REDIC1: variants seen among roughly 807,000 people sequenced by gnomAD.
REDIC1 encodes the protein HEI10 Interacting Protein 1.
the REDIC1 span, among the ~76,000 whole-genome samples, chr12:39,839,507 T>C: frequency 3.0e-4 from 46 of 152,250 alleles, no homozygotes; most frequent in Admixed American, 2.9e-3. Flanking sequence ...GGTTGTCTCA[T>C]GGGTAACTCG....
At chr12:39,891,062 C>T in the REDIC1 span, among the ~76,000 whole-genome samples, 3 of 151,168 alleles carry the variant, frequency 2.0e-5, no homozygotes, top group Admixed American at 2.0e-4. Context: ...CAGCAAGTGG[C>T]AATAGAAAAA....
the REDIC1 span, chr12:39,643,752 ATT>A: frequency 7.0e-7 from 1 of 1,426,648 alleles, no homozygotes; most frequent in Non-Finnish European, 9.6e-7. Context: ...TATTTGCTGC[ATT>A]GTTTTTAATT....
At chr12:39,864,948 G>T in the REDIC1 span, 1 of 1,414,434 alleles carries the variant, frequency 7.1e-7, no homozygotes, top group Non-Finnish European at 9.4e-7. Context: ...GACTGGGTTT[G>T]GTAAAAACAA....
At chr12:39,750,944 G>A in the REDIC1 span, among the ~76,000 whole-genome samples, 2 of 151,908 alleles carry the variant, frequency 1.3e-5, no homozygotes, top group African/African-American at 4.8e-5. Context: ...TGTTAGACCT[G>A]AAACCATAAA....
the REDIC1 span, chr12:39,764,362 T>C: frequency 8.8e-7 from 1 of 1,138,514 alleles, no homozygotes; most frequent in Non-Finnish European, 1.2e-6. Context: ...AACAGCAAAA[T>C]ATAACCACAT....
At chr12:39,668,841 C>G in the REDIC1 span, among the ~76,000 whole-genome samples, 1 of 151,986 alleles carries the variant, frequency 6.6e-6, no homozygotes, top group Non-Finnish European at 1.5e-5. Flanking sequence ...TCCAGTTGAT[C>G]GAATCGGCTA....
the REDIC1 span, among the ~76,000 whole-genome samples, chr12:39,895,865 T>C: frequency 5.7e-4 from 79 of 137,984 alleles, 12 homozygotes; most frequent in African/African-American, 2.1e-3. Context: ...TGCGTGTATA[T>C]GCACACACAT....
At chr12:39,682,934 A>T in the REDIC1 span, 115 of 1,613,406 alleles carry the variant, frequency 7.1e-5, no homozygotes, top group African/African-American at 1.4e-3. Flanking sequence ...ACTAGTTCTG[A>T]TAAAAACCAT....
the REDIC1 span, chr12:39,835,879 G>A: frequency 6.6e-6 from 1 of 152,090 alleles, no homozygotes. Flanking sequence ...TTTTCAGAAT[G>A]AAATAAAAAG....
chr12:39,836,293 A>G, the REDIC1 span, among the ~76,000 whole-genome samples: 1 of 152,162 alleles, frequency 6.6e-6, no homozygotes, highest in African/African-American at 2.4e-5. Flanking sequence ...GATATATTAG[A>G]AACTCAAATA....
chr12:39,643,654 A>C, the REDIC1 span: 1 of 712,080 alleles, frequency 1.4e-6, no homozygotes, highest in Admixed American at 3.3e-5. Flanking sequence ...ATAAACATAT[A>C]AAGATGTCAC....
the REDIC1 span, among the ~76,000 whole-genome samples, chr12:39,765,489 G>T: frequency 2.0e-5 from 3 of 151,860 alleles, no homozygotes; most frequent in Non-Finnish European, 4.4e-5. Flanking sequence ...TACCTTAATT[G>T]CCCCTGAAGA....
the REDIC1 span, among the ~76,000 whole-genome samples, chr12:39,713,708 T>C: frequency 6.8e-6 from 1 of 147,926 alleles, no homozygotes; most frequent in African/African-American, 2.5e-5. Flanking sequence ...TATACATATT[T>C]ATGTATGCCT....
At chr12:39,630,654 C>T in the REDIC1 span, among the ~76,000 whole-genome samples, 1 of 151,986 alleles carries the variant, frequency 6.6e-6, no homozygotes, top group African/African-American at 2.4e-5. Flanking sequence ...ATAATGTGAA[C>T]CATAGTAGAA....
chr12:39,755,066 T>C, the REDIC1 span: 28 of 152,242 alleles, frequency 1.8e-4, no homozygotes, highest in Non-Finnish European at 3.7e-4. Flanking sequence ...TTATTTTCAT[T>C]TACAGTTCTG....
the REDIC1 span, among the ~76,000 whole-genome samples, chr12:39,653,573 T>C: frequency 7.3e-3 from 461 of 63,168 alleles, 2 homozygotes; most frequent in Middle Eastern, 0.014. Flanking sequence ...TCTTCTTCTT[T>C]TTCTTCCTCT....
the REDIC1 span, among the ~76,000 whole-genome samples, chr12:39,802,029 T>C: frequency 2.0e-5 from 3 of 152,122 alleles, no homozygotes; most frequent in Non-Finnish European, 2.9e-5. Flanking sequence ...ATAGTGACAA[T>C]TGTCATGATG....
At chr12:39,714,000 C>T in the REDIC1 span, among the ~76,000 whole-genome samples, 1 of 83,322 alleles carries the variant, frequency 1.2e-5, no homozygotes, top group South Asian at 3.6e-4. Context: ...TGTATGTACA[C>T]CTATGTGCAT....
At chr12:39,731,383 T>C in the REDIC1 span, among the ~76,000 whole-genome samples, 2 of 152,214 alleles carry the variant, frequency 1.3e-5, no homozygotes, top group Non-Finnish European at 2.9e-5. Context: ...TCCTTTCTGT[T>C]TGTTAGTTCC....
Sources: gnomAD v4.1 joint callset for allele counts (sites outside exome capture counted in the v4.1 genomes callset) on GRCh38, gnomAD v4.1.1 for gene constraint, MANE v1.5 for transcripts, NCBI Gene and HGNC (gene_info 2026-07-23, HGNC 2026-07-21) for gene names.